FGF14: variants seen among roughly 807,000 people sequenced by gnomAD.
FGF14 encodes the protein fibroblast growth factor 14.
Under a neutral mutation model 25.5 loss-of-function variants are expected in FGF14, and 5 were observed. The ratio of observed to expected loss-of-function variants is 0.20; its 90% CI spans 0.10 to 0.41. The LOEUF (loss-of-function observed/expected upper bound fraction) is 0.41. Ranked by LOEUF, FGF14 falls within the 10% of genes least tolerant of loss-of-function variation. The probability of loss-of-function intolerance (pLI) is 1.00; values close to 1 mark genes in which losing one functional copy is unlikely to be tolerated. For synonymous variants in FGF14, 138 were observed against 118.3 expected, an observed-to-expected ratio of 1.17 and a Z score of -1.08; for missense variants, 222 against 320.1, an observed-to-expected ratio of 0.69 and a Z score of 2.34.
At chr13:102,024,349 C>T (rs766722874) in intron 1 of FGF14, among the ~76,000 whole-genome samples, 28 of 151,940 alleles carry the variant, frequency 1.8e-4, no homozygotes, top group Admixed American at 3.3e-4. Context: ...CATTGTAGTT[C>T]GTATTTGCAT....
At chr13:102,028,528 T>C (rs1406576921) in intron 1 of FGF14, among the ~76,000 whole-genome samples, 2 of 152,076 alleles carry the variant, frequency 1.3e-5, no homozygotes, top group African/African-American at 2.4e-5. Flanking sequence ...ATTTTTGTTA[T>C]AGCAGCCTAA....
intron 1 of FGF14, among the ~76,000 whole-genome samples, chr13:102,120,807 G>A (rs570542541): frequency 2.6e-5 from 4 of 151,252 alleles, no homozygotes; most frequent in African/African-American, 7.3e-5. Flanking sequence ...AGGCTCAAGC[G>A]ATTCTCCTGC....
intron 3 of FGF14, among the ~76,000 whole-genome samples, chr13:101,818,878 T>C (rs1042825661): frequency 1.3e-5 from 2 of 152,176 alleles, no homozygotes; most frequent in African/African-American, 4.8e-5. Flanking sequence ...GTTTTCCTAT[T>C]TTTCCCAACA....
chr13:102,297,417 T>C (rs1213015060), intron 1 of FGF14, among the ~76,000 whole-genome samples: 2 of 151,986 alleles, frequency 1.3e-5, no homozygotes, highest in African/African-American at 4.8e-5. Flanking sequence ...CCTAGTAAAT[T>C]GTGGGCTTTA....
At chr13:102,317,726 A>G (rs1371167975) in intron 1 of FGF14, among the ~76,000 whole-genome samples, 1 of 152,092 alleles carries the variant, frequency 6.6e-6, no homozygotes, top group African/African-American at 2.4e-5. Context: ...ACTGGGGAGG[A>G]AACATCCCAC....
intron 3 of FGF14, among the ~76,000 whole-genome samples, chr13:101,782,652 T>G (rs1448197339): frequency 6.6e-6 from 1 of 152,218 alleles, no homozygotes; most frequent in Non-Finnish European, 1.5e-5. Flanking sequence ...TGGTTTTCCT[T>G]TCCTGTATTA....
intron 1 of FGF14, among the ~76,000 whole-genome samples, chr13:102,182,530 T>C: frequency 6.6e-6 from 1 of 152,100 alleles, no homozygotes; most frequent in East Asian, 1.9e-4. Context: ...CTTATTATTA[T>C]TAATATTATT....
chr13:101,817,615 T>C (rs1450314118), intron 3 of FGF14, among the ~76,000 whole-genome samples: 1 of 152,232 alleles, frequency 6.6e-6, no homozygotes, highest in Non-Finnish European at 1.5e-5. Context: ...TCACTTTAAT[T>C]CACTTTTTCC....
chr13:101,751,995 G>T (rs2037315418), intron 3 of FGF14, among the ~76,000 whole-genome samples: 1 of 152,120 alleles, frequency 6.6e-6, no homozygotes, highest in South Asian at 2.1e-4. Flanking sequence ...TATGAGATTT[G>T]CAGAGACTAC....
intron 1 of FGF14, among the ~76,000 whole-genome samples, chr13:102,288,431 G>C (rs987509981): frequency 1.3e-5 from 2 of 151,994 alleles, no homozygotes; most frequent in African/African-American, 4.8e-5. Flanking sequence ...GACTCTCTCA[G>C]AAGAAAAATA....
chr13:101,730,455 AC>A (rs1307120634), intron 3 of FGF14, among the ~76,000 whole-genome samples: 1 of 152,248 alleles, frequency 6.6e-6, no homozygotes, highest in Non-Finnish European at 1.5e-5. Flanking sequence ...CTATAATGTT[AC>A]AAAAATTATT....
chr13:102,401,820 AGGGTTGG>A, upstream of FGF14: 1 of 745,088 alleles, frequency 1.3e-6, no homozygotes, highest in Admixed American at 2.4e-5. Context: ...TTATTACCAA[AGGGTTGG>A]AGAAAAAATC....
chr13:102,366,959 G>C (rs1020309902), intron 1 of FGF14, among the ~76,000 whole-genome samples: 5 of 152,048 alleles, frequency 3.3e-5, no homozygotes, highest in African/African-American at 1.2e-4. Flanking sequence ...TTCTCATTTA[G>C]CTAACTTAAA....
intron 1 of FGF14, among the ~76,000 whole-genome samples, chr13:101,956,823 A>G (rs767624504): frequency 6.6e-6 from 1 of 151,300 alleles, no homozygotes; most frequent in African/African-American, 2.4e-5. Context: ...TCAAGACTAT[A>G]AAGAAATGTG....
chr13:102,119,530 G>C (rs1167118913), intron 1 of FGF14, among the ~76,000 whole-genome samples: 1 of 152,172 alleles, frequency 6.6e-6, no homozygotes, highest in East Asian at 1.9e-4. Flanking sequence ...GAGAATAATG[G>C]TATGTGACTA....
At chr13:102,017,334 CA>C (rs1292657236) in intron 1 of FGF14, among the ~76,000 whole-genome samples, 1 of 152,076 alleles carries the variant, frequency 6.6e-6, no homozygotes, top group Non-Finnish European at 1.5e-5. Context: ...TCTTCAATAT[CA>C]AAAAATACCT....
At chr13:102,182,926 AC>A (rs1235836047) in intron 1 of FGF14, among the ~76,000 whole-genome samples, 8 of 152,284 alleles carry the variant, frequency 5.3e-5, no homozygotes, top group South Asian at 2.1e-4. Flanking sequence ...GTGATGTGCC[AC>A]CATAGTATAG....
Position 101,714,613 on chromosome 13 carries a change from T to C in FGF14, c.*8218A>G. ...AGTTTGTTATAGAGCCAAGAGACACTCGTCATGCAATGCTTTAGGTGGCTG... is the reference window on the plus strand; with the variant it reads ...AGTTTGTTATAGAGCCAAGAGACACCCGTCATGCAATGCTTTAGGTGGCTG... On this transcript the variant is annotated 3_prime_UTR_variant, in exon 5 of 5. Transcript: ENST00000376143. 1 of 986,660 alleles carries C rather than the reference T, an allele frequency of 1.0e-6. No individual in the cohort carries two copies. Among genetic ancestry groups the C allele is most frequent in the Non-Finnish European group, 1.6e-6 (1 of 609,224 alleles). The allele number at this position is 986,660 out of a possible 1,614,324, so 61.1% of individuals were successfully genotyped here. A position where few individuals can be genotyped will look rare whatever the true frequency, so the allele number is the denominator to read the frequency against.
At chr13:102,217,814 G>A (rs1247844841) in intron 1 of FGF14, among the ~76,000 whole-genome samples, 1 of 152,132 alleles carries the variant, frequency 6.6e-6, no homozygotes, top group Non-Finnish European at 1.5e-5. Flanking sequence ...CAGCTGAAGT[G>A]CTGCCTTGAT....
Sources: allele counts gnomAD v4.1 joint callset (sites outside exome capture counted in the v4.1 genomes callset), GRCh38; gene constraint gnomAD v4.1.1; transcripts MANE v1.5; gene names NCBI Gene and HGNC (gene_info 2026-07-23, HGNC 2026-07-21).